ZBBX: variants seen among roughly 807,000 people sequenced by gnomAD.
The protein encoded by ZBBX is zinc finger B-box domain containing.
ZBBX carries 101 observed loss-of-function variants against 108.5 expected under a neutral mutation model. The observed-to-expected ratio is 0.93, with a 90% CI of 0.79 to 1.10. ZBBX has a LOEUF of 1.10. Among genes scored for constraint, ZBBX ranks in the 50% least tolerant of loss-of-function variants. The pLI is 0.00. For missense variants in ZBBX, 1,009 were observed against 941.4 expected, an observed-to-expected ratio of 1.07 and a Z score of -0.94; for synonymous variants, 356 against 323.4, an observed-to-expected ratio of 1.10 and a Z score of -1.08.
intron 9 of ZBBX, among the ~76,000 whole-genome samples, chr3:167,344,741 T>C (rs571728876): frequency 2.0e-5 from 3 of 151,896 alleles, no homozygotes; most frequent in East Asian, 3.9e-4. Context: ...CCCCACCTCA[T>C]AGCTCCAGAG....
At chr3:167,316,923 G>A in intron 14 of ZBBX, 82 bp downstream of exon 14, 1 of 743,258 alleles carries the variant, frequency 1.3e-6, no homozygotes, top group Non-Finnish European at 2.1e-6. Flanking sequence ...AAATCTTATT[G>A]AAAATAATAT....
chr3:167,304,814 G>C (rs937370044), intron 17 of ZBBX, among the ~76,000 whole-genome samples: 1 of 151,884 alleles, frequency 6.6e-6, no homozygotes, highest in Admixed American at 6.6e-5. Context: ...ACATTTAGGG[G>C]TCTAAGTTTT....
chr3:167,191,638 G>A, the ZBBX span, among the ~76,000 whole-genome samples: 44 of 152,100 alleles, frequency 2.9e-4, no homozygotes, highest in South Asian at 1.7e-3. Flanking sequence ...CTTCCACCAT[G>A]AGTGTGAAGC....
chr3:167,253,167 G>A (rs551647382), intron 20 of ZBBX, among the ~76,000 whole-genome samples: 6 of 152,222 alleles, frequency 3.9e-5, no homozygotes, highest in Admixed American at 3.3e-4. Flanking sequence ...GGATACAATT[G>A]ACATAATAAC....
intron 21 of ZBBX, among the ~76,000 whole-genome samples, chr3:167,241,410 G>A (rs1242015400): frequency 2.0e-5 from 3 of 152,080 alleles, no homozygotes; most frequent in African/African-American, 7.2e-5. Context: ...GCATTTTATT[G>A]GTGGCAGCAG....
In ZBBX at chr3:167,294,222, G is replaced by C. The variant is rs771904452; in HGVS notation, c.1879+4083C>G. On this transcript the variant is annotated intron_variant, in intron 18 of 21. Transcript: ENST00000675490. ...TTAAATTTCATATGGAAACAAAAAA[G>C]AGCCCGCATGGCCAAGACAACCCTA... Among the ~76,000 whole-genome samples the C allele has an allele frequency of 4.6e-5, 7 of 152,194 alleles. No individual in the cohort carries two copies. In the Middle Eastern group the frequency reaches 0.014, roughly 296 times the overall value.
At chr3:167,339,424 T>A (rs887245201) in intron 9 of ZBBX, among the ~76,000 whole-genome samples, 4 of 152,154 alleles carry the variant, frequency 2.6e-5, no homozygotes, top group African/African-American at 9.7e-5. Flanking sequence ...TTTTTCATTT[T>A]GGTAAAAATA....
chr3:167,381,728 TG>T (rs1747737736), upstream of ZBBX, among the ~76,000 whole-genome samples: 1 of 152,208 alleles, frequency 6.6e-6, no homozygotes, highest in African/African-American at 2.4e-5. Context: ...AAATATTTAT[TG>T]AAAGTCCATT....
At chr3:167,184,563 G>T in the ZBBX span, among the ~76,000 whole-genome samples, 1 of 152,032 alleles carries the variant, frequency 6.6e-6, no homozygotes, top group Non-Finnish European at 1.5e-5. Context: ...TAATGGATGG[G>T]CTCAAGGAAT....
chr3:167,320,959 T>C (rs916242368), intron 12 of ZBBX, among the ~76,000 whole-genome samples: 2 of 152,016 alleles, frequency 1.3e-5, no homozygotes, highest in Non-Finnish European at 2.9e-5. Context: ...CAATGTGTAA[T>C]CCTGGACTGG....
intron 8 of ZBBX, among the ~76,000 whole-genome samples, chr3:167,352,171 A>G (rs1022881462): frequency 1.3e-5 from 2 of 152,166 alleles, no homozygotes; most frequent in African/African-American, 4.8e-5. Context: ...AAATTGAGCT[A>G]AAAAATGTAA....
chr3:167,216,178 C>T, the ZBBX span, among the ~76,000 whole-genome samples: 4 of 152,062 alleles, frequency 2.6e-5, no homozygotes, highest in Admixed American at 2.6e-4. Flanking sequence ...CAGAGGAAGT[C>T]AAACTATCTC....
chr3:167,286,349 A>G (rs1400491324), intron 19 of ZBBX, among the ~76,000 whole-genome samples: 1 of 152,112 alleles, frequency 6.6e-6, no homozygotes, highest in Non-Finnish European at 1.5e-5. Flanking sequence ...TCTACTTTCT[A>G]TAGGGATCCA....
At chr3:167,178,585 T>G in the ZBBX span, among the ~76,000 whole-genome samples, 1 of 152,144 alleles carries the variant, frequency 6.6e-6, no homozygotes, top group Admixed American at 6.5e-5. Context: ...GAATCTCTTC[T>G]TCGGCATCTG....
At chr3:167,220,371 A>C in the ZBBX span, among the ~76,000 whole-genome samples, 1 of 152,078 alleles carries the variant, frequency 6.6e-6, no homozygotes, top group Non-Finnish European at 1.5e-5. Context: ...ACAACACATT[A>C]AAAAGATCAT....
chr3:167,190,615 C>T, the ZBBX span, among the ~76,000 whole-genome samples: 6 of 152,084 alleles, frequency 3.9e-5, no homozygotes, highest in African/African-American at 1.4e-4. Flanking sequence ...CTCCCGACCT[C>T]GTGATCTGCC....
At chr3:167,400,903 T>A (rs185742393) in intron 1 of ZBBX, among the ~76,000 whole-genome samples, 24 of 152,130 alleles carry the variant, frequency 1.6e-4, no homozygotes, top group African/African-American at 5.3e-4. Flanking sequence ...CAATAACATA[T>A]GCATTTATAA....
chr3:167,306,010 G>T, intron 16 of ZBBX, 60 bp from the exon 17 acceptor site: 2 of 1,303,816 alleles, frequency 1.5e-6, no homozygotes, highest in Non-Finnish European at 2.0e-6. Flanking sequence ...TAATTAAACT[G>T]TTAATAAACC....
chr3:167,402,912 A>T (rs1748469690), intron 1 of ZBBX, among the ~76,000 whole-genome samples: 1 of 152,180 alleles, frequency 6.6e-6, no homozygotes. Flanking sequence ...ACAAACTGTT[A>T]AATACATAAC....
Sources: gnomAD v4.1 joint callset for allele counts (sites outside exome capture counted in the v4.1 genomes callset) on GRCh38, gnomAD v4.1.1 for gene constraint, MANE v1.5 for transcripts, NCBI Gene and HGNC (gene_info 2026-07-23, HGNC 2026-07-21) for gene names.